The following KREMEN1 variants were observed in gnomAD, a reference collection of about 807,000 sequenced individuals.
The protein encoded by KREMEN1 is kremen protein 1.
In KREMEN1, 30 loss-of-function variants were observed where a neutral mutation model predicts 46.5. The ratio of observed to expected loss-of-function variants is 0.65; its 90% CI spans 0.48 to 0.88. KREMEN1 has a LOEUF of 0.88. KREMEN1 is among the 40% of genes least tolerant of loss of function. The pLI, the probability that KREMEN1 is intolerant of heterozygous loss-of-function variation, is 0.00. For synonymous variants in KREMEN1, 214 were observed against 230.6 expected (o/e 0.93, Z 0.65); for missense variants, 533 against 596.9 (o/e 0.89, Z 1.11).
intron 3 of KREMEN1, among the ~76,000 whole-genome samples, chr22:29,102,230 G>A (rs969141192): frequency 6.6e-6 from 1 of 152,144 alleles, no homozygotes; most frequent in Non-Finnish European, 1.5e-5. Context: ...GCCTCCAGGG[G>A]GAAAGGCAGC....
At chr22:29,098,123 G>A (rs2037911377) in intron 2 of KREMEN1, among the ~76,000 whole-genome samples, 1 of 151,860 alleles carries the variant, frequency 6.6e-6, no homozygotes, top group African/African-American at 2.4e-5. Context: ...GGAGGTTGCA[G>A]TGAGCCGAGA....
At chr22:29,089,622 C>A (rs1002459006) in intron 1 of KREMEN1, among the ~76,000 whole-genome samples, 9 of 144,328 alleles carry the variant, frequency 6.2e-5, no homozygotes, top group Non-Finnish European at 1.2e-4. Context: ...AGATAAGTCA[C>A]ATTATGTCAT....
At chr22:29,154,284 C>T (rs1358250820) in intron 9 of KREMEN1, 1 of 152,200 alleles carries the variant, frequency 6.6e-6, no homozygotes, top group Non-Finnish European at 1.5e-5. Flanking sequence ...CCCCCAGGAC[C>T]TTCAATATGT....
intron 3 of KREMEN1, among the ~76,000 whole-genome samples, chr22:29,114,511 C>A (rs134686): frequency 2.2e-5 from 3 of 136,614 alleles, no homozygotes; most frequent in African/African-American, 2.8e-5. Flanking sequence ...AAAAAAGGAG[C>A]GGAAGAGAAA....
At position 29,145,990 on chromosome 22, in the gene KREMEN1, G is replaced by A. The variant is rs1472858982; in HGVS notation, c.*3878G>A. ...CCCAGCCAGGCCATCACCCAGCCCC[G>A]ATGCATCCTGGCACTGCACGCTTAC... On this transcript the variant is annotated 3_prime_UTR_variant, in exon 9 of 9. Transcript: ENST00000400335. 8 of 985,748 alleles carry A rather than the reference G, an allele frequency of 8.1e-6. No homozygotes were observed. The East Asian group carries it at 3.4e-4, about 42-fold the overall frequency. The allele number at this position is 985,748 out of a possible 1,614,324, so 61.1% of individuals were successfully genotyped here.
intron 7 of KREMEN1, 138 bp downstream of exon 7, chr22:29,138,920 G>A (rs534799235): frequency 1.6e-6 from 2 of 1,262,352 alleles, no homozygotes; most frequent in African/African-American, 3.0e-5. Flanking sequence ...GTGACCTATA[G>A]TCTGTCCTGG....
intron 2 of KREMEN1, among the ~76,000 whole-genome samples, 187 bp downstream of exon 2, chr22:29,094,607 AC>A (rs2037853367): frequency 7.5e-6 from 1 of 132,784 alleles, no homozygotes; most frequent in East Asian, 2.2e-4. Context: ...ACACACACAC[AC>A]ACACACAATT....
At position 29,094,420 on chromosome 22, in the gene KREMEN1, G is replaced by A; in HGVS notation, c.260G>A (p.Arg87Lys). The change falls in exon 2 of 9, where the codon AGA becomes AAA. Residue 87 changes from arginine (R) to lysine (K), a missense_variant and splice_region_variant. Transcript: ENST00000400335. ...EGGLGEHNYC[R>K]NPDGDVSPWC... ...GGCCTGGGTGAGCACAACTATTGCAGGTAAGATGGGGCCACTCAGTACTTT... is the reference window on the plus strand; with the variant it reads ...GGCCTGGGTGAGCACAACTATTGCAAGTAAGATGGGGCCACTCAGTACTTT... 1 of 1,611,298 alleles carries A rather than the reference G, an allele frequency of 6.2e-7. No homozygotes were observed. Among genetic ancestry groups the A allele is most frequent in the Non-Finnish European group, 8.5e-7 (1 of 1,178,876 alleles).
intron 3 of KREMEN1, among the ~76,000 whole-genome samples, chr22:29,114,522 T>C (rs1443354817): frequency 8.0e-6 from 1 of 125,286 alleles, no homozygotes; most frequent in Non-Finnish European, 1.6e-5. Flanking sequence ...GGAAGAGAAA[T>C]CAGAGCTACA....
At position 29,146,377 on chromosome 22, in the gene KREMEN1, C is replaced by T; in HGVS notation, c.*4265C>T. ...GCCTGCAGACCCCTGGTGGGCACAT[C>T]TCACAGGCTTCCGTCTTGCTGAGTT... is the stretch of plus-strand genomic sequence containing the variant. On this transcript the variant is annotated 3_prime_UTR_variant, in exon 9 of 9. Coordinates refer to ENST00000400335, the MANE Select transcript of KREMEN1 (RefSeq NM_001039570.3). 1.0e-6 allele frequency: 1 copy of T among 985,888 alleles called. No individual in the cohort carries two copies. The highest frequency in any genetic ancestry group is 1.2e-6 in the Non-Finnish European group (1 of 829,972). 61.1% of individuals were successfully genotyped at this position (985,888 alleles called of 1,614,324 possible).
intron 5 of KREMEN1, among the ~76,000 whole-genome samples, chr22:29,126,115 CAAAA>C (rs5844835): frequency 7.0e-6 from 1 of 143,582 alleles, no homozygotes; most frequent in African/African-American, 2.5e-5. Flanking sequence ...TGGAGGCAGA[CAAAA>C]AAAAAAAAAG....
At chr22:29,146,946 C>T (rs953671290), downstream of KREMEN1, 5 of 230,074 alleles carry the variant, frequency 2.2e-5, no homozygotes, top group Non-Finnish European at 2.9e-5. Flanking sequence ...TTGCTGTTTC[C>T]TAGTAGTGCC....
downstream of KREMEN1, among the ~76,000 whole-genome samples, chr22:29,149,122 C>T (rs1312734932): frequency 6.6e-6 from 1 of 152,132 alleles, no homozygotes; most frequent in Non-Finnish European, 1.5e-5. Context: ...TGCCTCCACC[C>T]TGCAGCCAGC....
chr22:29,084,958 A>G (rs134631), intron 1 of KREMEN1, among the ~76,000 whole-genome samples: 112,779 of 152,128 alleles, frequency 0.74, 42,391 homozygotes, highest in African/African-American at 0.86. Context: ...GTATTTTAAT[A>G]AAAAAGCTAC....
chr22:29,085,014 T>G lies in KREMEN1; in HGVS notation c.98-9244T>G, dbSNP rs370015513. 1.3e-4 allele frequency among the ~76,000 whole-genome samples: 20 copies of G among 152,344 alleles called. No homozygotes were observed. In the East Asian group the frequency reaches 3.7e-3, roughly 28 times the overall value. ...TGATTTTTGTTGTGGTAATTCCACTTTGGGCAAAAGGGCAGCTCGTTCTAT... is the reference window on the plus strand; with the variant it reads ...TGATTTTTGTTGTGGTAATTCCACTGTGGGCAAAAGGGCAGCTCGTTCTAT... On this transcript the variant is annotated intron_variant, in intron 1 of 8. Coordinates refer to ENST00000400335, the MANE Select transcript of KREMEN1 (RefSeq NM_001039570.3).
chr22:29,107,833 G>T (rs1157140368), intron 3 of KREMEN1, among the ~76,000 whole-genome samples: 1 of 152,106 alleles, frequency 6.6e-6, no homozygotes. Flanking sequence ...AGGCACCCTT[G>T]TTTTACTTGA....
chr22:29,146,998 C>T (rs1450033132), downstream of KREMEN1, among the ~76,000 whole-genome samples: 3 of 152,150 alleles, frequency 2.0e-5, no homozygotes, highest in East Asian at 5.8e-4. Context: ...GACCCACAGC[C>T]GACCTTCAGC....
At chr22:29,126,398 A>C (rs1031163591) in intron 5 of KREMEN1, among the ~76,000 whole-genome samples, 1 of 152,084 alleles carries the variant, frequency 6.6e-6, no homozygotes, top group African/African-American at 2.4e-5. Flanking sequence ...GTCTCCAGGG[A>C]AGCCCTCCTC....
At chr22:29,161,244 A>G (rs1218749214) in intron 9 of KREMEN1, among the ~76,000 whole-genome samples, 1 of 151,950 alleles carries the variant, frequency 6.6e-6, no homozygotes, top group Non-Finnish European at 1.5e-5. Context: ...GTGGTGGCTC[A>G]TGCCTGTGAT....
Sources: allele counts gnomAD v4.1 joint callset (sites outside exome capture counted in the v4.1 genomes callset), GRCh38; gene constraint gnomAD v4.1.1; transcripts MANE v1.5; gene names NCBI Gene and HGNC (gene_info 2026-07-23, HGNC 2026-07-21).